CRACDL: variants seen among roughly 807,000 people sequenced by gnomAD.
The protein encoded by CRACDL is CRACD like, also known as CRACD-like protein.
CRACDL carries 26 observed loss-of-function variants against 70.6 expected under a neutral mutation model. The ratio of observed to expected loss-of-function variants is 0.37; its 90% CI spans 0.27 to 0.51. The LOEUF is 0.51. CRACDL is among the 20% of genes least tolerant of loss of function. CRACDL has a pLI of 0.94. For synonymous variants in CRACDL, 618 were observed against 615.2 expected (o/e 1.00, Z -0.07); for missense variants, 1,283 against 1,376.9 (o/e 0.93, Z 1.08).
At chr2:98,809,976 G>A (rs940286465) in intron 7 of CRACDL, among the ~76,000 whole-genome samples, 24 of 151,366 alleles carry the variant, frequency 1.6e-4, no homozygotes, top group Admixed American at 1.4e-3. Flanking sequence ...CCTAAGAGGT[G>A]CTCCTCAGAG....
At position 98,794,581 on chromosome 2, in the gene CRACDL, G is replaced by C. The variant is rs1440403250; in HGVS notation, c.2840C>G (p.Ala947Gly). Residue 947 changes from alanine to glycine, a missense_variant, in exon 10 of 10, where the codon GCC becomes GGC. By Grantham distance (60) the Ala-to-Gly change is moderately conservative. Around this residue, in one of 2 missense-constraint regions of CRACDL, gnomAD observed 921 missense variants for 881.9 expected, o/e 1.04. Transcript: ENST00000397899. ...ACTCCAAGCTTGAGATTTCTTTCTG[G>C]CAAGTTCCATCCAGGATGGCTGATC... Reference protein sequence around the residue: ...STDQPSWMELARKKSQAWSDM... With the variant: ...STDQPSWMELGRKKSQAWSDM... 6.2e-7 allele frequency: 1 copy of C among 1,613,732 alleles called. No homozygotes were observed. The highest frequency in any genetic ancestry group is 1.7e-5 in the Admixed American group (1 of 60,010).
In CRACDL at chr2:98,832,416, C is replaced by G; in HGVS notation, c.472G>C (p.Asp158His). The G allele has an allele frequency of 6.2e-7, 1 of 1,614,158 alleles. No individual in the cohort carries two copies. The highest frequency in any genetic ancestry group is 1.3e-5 in the African/African-American group (1 of 75,048). ...GEDAGMSSEDDGLPRSPPEMS... is the reference protein window; with the variant it reads ...GEDAGMSSEDHGLPRSPPEMS... Reference sequence around the variant, plus strand: ...TCTGGGGGGCTCCTGGGCAGCCCGTCGTCCTCAGAGCTCATGCCGGCATCC... The same window carrying G: ...TCTGGGGGGCTCCTGGGCAGCCCGTGGTCCTCAGAGCTCATGCCGGCATCC... Residue 158 changes from aspartate to histidine, a missense_variant, in exon 5 of 10, where the codon GAC (aspartate) becomes CAC (histidine). Around this residue, in one of 2 missense-constraint regions of CRACDL, gnomAD observed 362 missense variants for 495.0 expected, o/e 0.73. Transcript: ENST00000397899.
chr2:98,808,313 C>A (rs1299273039), intron 7 of CRACDL, among the ~76,000 whole-genome samples: 1 of 152,172 alleles, frequency 6.6e-6, no homozygotes, highest in Non-Finnish European at 1.5e-5. Context: ...CCTGGGCAGC[C>A]TTTAACACTC....
At chr2:98,819,815 C>CTTTTTTTTTT (rs34640405) in intron 7 of CRACDL, among the ~76,000 whole-genome samples, 1 of 99,026 alleles carries the variant, frequency 1.0e-5, no homozygotes, top group Non-Finnish European at 1.9e-5. Flanking sequence ...CTGAAACATT[C>CTTTTTTTTTT]TTTTTTTTTT....
intron 1 of CRACDL, among the ~76,000 whole-genome samples, chr2:98,850,379 C>T (rs553896985): frequency 1.3e-5 from 2 of 152,328 alleles, no homozygotes; most frequent in South Asian, 2.1e-4. Flanking sequence ...CCAAGTAACT[C>T]GCCTTTCTGA....
chr2:98,806,492 G>A (rs1301215640), intron 7 of CRACDL, among the ~76,000 whole-genome samples: 11 of 152,226 alleles, frequency 7.2e-5, no homozygotes. Context: ...ACATCTCATA[G>A]TGGAGATCCC....
chr2:98,809,424 C>A (rs1704460927), intron 7 of CRACDL, among the ~76,000 whole-genome samples: 2 of 152,064 alleles, frequency 1.3e-5, no homozygotes, highest in South Asian at 2.1e-4. Context: ...GTCCTGTCTG[C>A]CCCATGCCCA....
chr2:98,874,069 C>T (rs1707419285), intron 1 of CRACDL, among the ~76,000 whole-genome samples: 1 of 152,218 alleles, frequency 6.6e-6, no homozygotes, highest in Admixed American at 6.5e-5. Context: ...TTTTCAGCTG[C>T]AAAGGCAGTC....
At chr2:98,814,645 G>T (rs1053618959) in intron 7 of CRACDL, among the ~76,000 whole-genome samples, 1 of 152,134 alleles carries the variant, frequency 6.6e-6, no homozygotes, top group Non-Finnish European at 1.5e-5. Context: ...GCTGTGGCTG[G>T]TGGGCTGTTC....
intron 7 of CRACDL, among the ~76,000 whole-genome samples, chr2:98,803,676 G>C (rs1047521940): frequency 6.6e-6 from 1 of 152,188 alleles, no homozygotes; most frequent in Non-Finnish European, 1.5e-5. Flanking sequence ...CTCATTCCCA[G>C]GTCTTCACAA....
intron 7 of CRACDL, among the ~76,000 whole-genome samples, chr2:98,816,932 C>T (rs908562985): frequency 1.3e-4 from 20 of 152,180 alleles, no homozygotes; most frequent in African/African-American, 4.8e-4. Flanking sequence ...TCACAACAGC[C>T]AAGATGCGGA....
At chr2:98,850,000 G>A (rs1018027922) in intron 1 of CRACDL, among the ~76,000 whole-genome samples, 32 of 152,170 alleles carry the variant, frequency 2.1e-4, no homozygotes, top group African/African-American at 7.0e-4. Flanking sequence ...CCCTGCTGTC[G>A]GTTTCTGCAG....
At position 98,798,053 on chromosome 2, in the gene CRACDL, T is replaced by C. The variant is rs188894902; in HGVS notation, c.2417-516A>G. On this transcript the variant is annotated intron_variant, in intron 7 of 9. Coordinates refer to ENST00000397899, the MANE Select transcript of CRACDL (RefSeq NM_207362.3). ...AAAAGAAATAGTGCCTTTGAAACCATATAGAGTTGGCCGGGTGCGGTGGCG... is the reference window on the plus strand; with the variant it reads ...AAAAGAAATAGTGCCTTTGAAACCACATAGAGTTGGCCGGGTGCGGTGGCG... 1.2e-4 allele frequency among the ~76,000 whole-genome samples: 18 copies of C among 152,232 alleles called. No homozygotes were observed. The East Asian group carries it at 3.5e-3, about 30-fold the overall frequency.
At chr2:98,905,925 A>AT (rs79145477) in intron 1 of CRACDL, among the ~76,000 whole-genome samples, 31 of 149,974 alleles carry the variant, frequency 2.1e-4, no homozygotes, top group East Asian at 1.6e-3. Flanking sequence ...CCTAGGTGTG[A>AT]TTTTTTTTTT....
At chr2:98,816,245 C>T (rs1363773404) in intron 7 of CRACDL, among the ~76,000 whole-genome samples, 1 of 152,192 alleles carries the variant, frequency 6.6e-6, no homozygotes, top group Non-Finnish European at 1.5e-5. Context: ...CCCTGATACT[C>T]ACTTTATGCA....
At chr2:98,878,968 C>T (rs562734355) in intron 1 of CRACDL, among the ~76,000 whole-genome samples, 2 of 152,260 alleles carry the variant, frequency 1.3e-5, no homozygotes, top group African/African-American at 4.8e-5. Flanking sequence ...AATGCTATGA[C>T]CACAGAAAGT....
chr2:98,918,081 T>G (rs1266208105), intron 1 of CRACDL, among the ~76,000 whole-genome samples: 4 of 152,212 alleles, frequency 2.6e-5, no homozygotes, highest in African/African-American at 9.6e-5. Context: ...GTGATGAACA[T>G]AAAAGTGCAG....
chr2:98,825,483 A>AATAGACACC (rs1466440459), intron 6 of CRACDL, among the ~76,000 whole-genome samples: 1 of 152,230 alleles, frequency 6.6e-6, no homozygotes, highest in African/African-American at 2.4e-5. Context: ...TTCCACCTGG[A>AATAGACACC]ATAGACACCA....
chr2:98,933,960 C>T (rs1205141628), intron 1 of CRACDL, among the ~76,000 whole-genome samples: 1 of 151,916 alleles, frequency 6.6e-6, no homozygotes, highest in Non-Finnish European at 1.5e-5. Flanking sequence ...GAAGGCGCCT[C>T]CTCACAGTGT....
Sources: allele counts gnomAD v4.1 joint callset (sites outside exome capture counted in the v4.1 genomes callset), GRCh38; gene constraint gnomAD v4.1.1; regional missense constraint gnomAD v4.1.1; transcripts MANE v1.5; gene names NCBI Gene and HGNC (gene_info 2026-07-23, HGNC 2026-07-21).